KCNN3: variants seen among roughly 807,000 people sequenced by gnomAD.
KCNN3 encodes the protein potassium calcium-activated channel subfamily N member 3.
KCNN3 carries 16 observed loss-of-function variants against 62.9 expected under a neutral mutation model. That is an observed-to-expected ratio of 0.25 (90% confidence interval 0.17 to 0.39). The LOEUF (loss-of-function observed/expected upper bound fraction) is 0.39, where lower values mean the gene tolerates loss of function less well. KCNN3 is among the 10% of genes least tolerant of loss of function. The pLI is 1.00. For missense variants in KCNN3, 599 were observed against 949.4 expected (o/e 0.63, Z 4.85); for synonymous variants, 370 against 389.2 (o/e 0.95, Z 0.58).
intron 2 of KCNN3, among the ~76,000 whole-genome samples, chr1:154,791,883 A>G (rs940746241): frequency 1.3e-5 from 2 of 152,232 alleles, no homozygotes; most frequent in South Asian, 2.1e-4. Context: ...CCCTTTGGGC[A>G]TTGTGCCAGG....
intron 2 of KCNN3, among the ~76,000 whole-genome samples, chr1:154,777,409 C>T (rs930166320): frequency 6.6e-6 from 1 of 152,164 alleles, no homozygotes; most frequent in African/African-American, 2.4e-5. Context: ...AAGAAAAGGA[C>T]AGATTGCCTG....
At chr1:154,853,082 T>C (rs535102812) in intron 1 of KCNN3, among the ~76,000 whole-genome samples, 2 of 152,170 alleles carry the variant, frequency 1.3e-5, no homozygotes, top group East Asian at 3.9e-4. Context: ...CTCGAATTCC[T>C]GGGCTTACGG....
At chr1:154,785,928 C>T (rs1268380235) in intron 2 of KCNN3, among the ~76,000 whole-genome samples, 1 of 152,142 alleles carries the variant, frequency 6.6e-6, no homozygotes, top group Non-Finnish European at 1.5e-5. Flanking sequence ...TACATCAACT[C>T]TTTGAGTCTC....
intron 2 of KCNN3, among the ~76,000 whole-genome samples, chr1:154,795,696 A>G (rs573758389): frequency 6.6e-6 from 1 of 152,202 alleles, no homozygotes; most frequent in African/African-American, 2.4e-5. Context: ...GGGGGCACTG[A>G]AAGTTGGTGG....
chr1:154,714,749 AC>A, intron 6 of KCNN3, 126 bp downstream of exon 6: 2 of 1,315,660 alleles, frequency 1.5e-6, no homozygotes, highest in East Asian at 4.7e-5. Flanking sequence ...GAGTGATCAG[AC>A]CCAGTTCACC....
At position 154,702,700 on chromosome 1, in the gene KCNN3, G is replaced by GATTATATAT. The variant is rs1205187844; in HGVS notation, c.*5275_*5276insATATATAAT. ...ACGTTGGCTGCTTCGATCTGATTCA[G>GATTATATAT]ATATATATATATATATATATATATA... On this transcript the variant is annotated 3_prime_UTR_variant, in exon 8 of 8. Coordinates refer to ENST00000271915, the MANE Select transcript of KCNN3 (RefSeq NM_002249.6). 2.3e-5 allele frequency: 1 copy of GATTATATAT among 43,070 alleles called. No individual in the cohort carries two copies. The highest frequency in any genetic ancestry group is 6.1e-5 in the African/African-American group (1 of 16,396). 2.7% of individuals were successfully genotyped at this position (43,070 alleles called of 1,614,324 possible).
intron 2 of KCNN3, among the ~76,000 whole-genome samples, chr1:154,775,283 C>T (rs1299581756): frequency 6.6e-6 from 1 of 152,154 alleles, no homozygotes; most frequent in African/African-American, 2.4e-5. Context: ...CGATGCTTGC[C>T]TTGCTTTTAG....
intron 5 of KCNN3, among the ~76,000 whole-genome samples, chr1:154,723,295 T>C (rs2101778782): frequency 6.6e-6 from 1 of 152,354 alleles, no homozygotes; most frequent in South Asian, 2.1e-4. Context: ...CTGTGTTGTT[T>C]ATTTCCTTGA....
Position 154,870,149 on chromosome 1 carries a change from G to C in KCNN3, c.-185C>G, listed in dbSNP as rs745319913. ...AGTCCAGACGCTGCCACTCAAGAAT[G>C]CATTGTATTGGGCAGGGAGGGAGAG... On this transcript the variant is annotated 5_prime_UTR_variant, in exon 1 of 8. Transcript: ENST00000271915. 3.4e-5 allele frequency: 25 copies of C among 742,634 alleles called. No homozygotes were observed. The highest frequency in any genetic ancestry group is 5.8e-5 in the Non-Finnish European group (24 of 411,576). 46.0% of individuals were successfully genotyped at this position (742,634 alleles called of 1,614,324 possible). A position where few individuals can be genotyped will look rare whatever the true frequency, so the allele number is the denominator to read the frequency against.
rs1206032265 is a variant in KCNN3, at chr1:154,705,659, T to C, written c.*2317A>G. ...CACTTTTGGCCAGGAAGAGTGGCAG[T>C]GGAATCTTGCATGTCATTTGGTTGA... is the stretch of plus-strand genomic sequence containing the variant. On this transcript the variant is annotated 3_prime_UTR_variant, in exon 8 of 8. Coordinates refer to ENST00000271915, the MANE Select transcript of KCNN3 (RefSeq NM_002249.6). The C allele has an allele frequency of 6.6e-6, 1 of 152,216 alleles. No individual in the cohort carries two copies. The highest frequency in any genetic ancestry group is 1.5e-5 in the Non-Finnish European group (1 of 68,054). 9.4% of individuals were successfully genotyped at this position (152,216 alleles called of 1,614,324 possible).
intron 3 of KCNN3, among the ~76,000 whole-genome samples, chr1:154,739,154 C>T (rs1271003426): frequency 6.6e-6 from 1 of 152,160 alleles, no homozygotes; most frequent in Admixed American, 6.5e-5. Context: ...CTCTGGAGAA[C>T]AGTAAATGGG....
chr1:154,751,426 G>A (rs547838070), intron 3 of KCNN3, among the ~76,000 whole-genome samples: 14 of 152,290 alleles, frequency 9.2e-5, no homozygotes, highest in African/African-American at 3.4e-4. Context: ...ACAAGATGAA[G>A]CAAGAGTCAG....
chr1:154,846,862 G>A (rs912979316), intron 1 of KCNN3, among the ~76,000 whole-genome samples: 4 of 152,204 alleles, frequency 2.6e-5, no homozygotes, highest in African/African-American at 9.7e-5. Flanking sequence ...CCCTGGTGCT[G>A]TGTATCCATC....
intron 4 of KCNN3, among the ~76,000 whole-genome samples, chr1:154,732,611 T>G (rs1700620006): frequency 6.6e-6 from 1 of 152,162 alleles, no homozygotes; most frequent in Non-Finnish European, 1.5e-5. Context: ...CCAAGGTCAG[T>G]GGGACCAAGG....
intron 3 of KCNN3, among the ~76,000 whole-genome samples, chr1:154,741,823 C>A (rs1700827495): frequency 2.0e-5 from 3 of 152,116 alleles, no homozygotes; most frequent in Admixed American, 6.5e-5. Flanking sequence ...TGAGCCAGAT[C>A]CTCTGCAGAA....
chr1:154,791,501 C>T (rs927628665), intron 2 of KCNN3, among the ~76,000 whole-genome samples: 2 of 151,972 alleles, frequency 1.3e-5, no homozygotes, highest in Admixed American at 1.3e-4. Flanking sequence ...AGCAACCAGC[C>T]CAAGCCTGGC....
chr1:154,730,919 G>A (rs934072795), intron 4 of KCNN3, among the ~76,000 whole-genome samples: 3 of 152,194 alleles, frequency 2.0e-5, no homozygotes, highest in Non-Finnish European at 4.4e-5. Context: ...AGAGAGGCAG[G>A]GGTGGGGCCA....
chr1:154,817,625 ATTCTCAG>A (rs1650721776), intron 2 of KCNN3, among the ~76,000 whole-genome samples: 1 of 152,238 alleles, frequency 6.6e-6, no homozygotes, highest in South Asian at 2.1e-4. Context: ...TGAAGTCTAC[ATTCTCAG>A]TAGAGAACGT....
intron 2 of KCNN3, among the ~76,000 whole-genome samples, chr1:154,801,871 G>A (rs1055400783): frequency 3.9e-5 from 6 of 152,172 alleles, no homozygotes; most frequent in South Asian, 4.1e-4. Context: ...AAGTCGGGGC[G>A]CGCCAGGAAC....
Sources: allele counts gnomAD v4.1 joint callset (sites outside exome capture counted in the v4.1 genomes callset), GRCh38; gene constraint gnomAD v4.1.1; transcripts MANE v1.5; gene names NCBI Gene and HGNC (gene_info 2026-07-23, HGNC 2026-07-21).